SLC9A6: variants seen among roughly 807,000 people sequenced by gnomAD.
SLC9A6 encodes solute carrier family 9 member A6.
SLC9A6 carries 6 observed loss-of-function variants against 45.3 expected under a neutral mutation model. The ratio of observed to expected loss-of-function variants is 0.13; its 90% CI spans 0.07 to 0.26. SLC9A6 has a LOEUF of 0.26. Ranked by LOEUF, SLC9A6 falls within the 10% of genes least tolerant of loss-of-function variation. The probability of loss-of-function intolerance (pLI) is 1.00; values close to 1 mark genes in which losing one functional copy is unlikely to be tolerated. For synonymous variants in SLC9A6, 191 were observed against 187.7 expected, an observed-to-expected ratio of 1.02 and a Z score of -0.14; for missense variants, 278 against 503.7, an observed-to-expected ratio of 0.55 and a Z score of 4.29.
chrX:136,038,517 T>C (rs1556622044), intron 16 of SLC9A6, among the ~76,000 whole-genome samples: 1 of 111,544 alleles, frequency 9.0e-6, no homozygotes. Context: ...ATAGTGTCCT[T>C]GTCAGGTTTC....
intron 2 of SLC9A6, among the ~76,000 whole-genome samples, chrX:135,992,108 C>A (rs1305579356): frequency 9.0e-6 from 1 of 111,518 alleles, no homozygotes; most frequent in Non-Finnish European, 1.9e-5. Context: ...TAGCCTTTTC[C>A]CCTGTAAATC....
At chrX:135,977,238 C>T (rs2089267072) in intron 1 of SLC9A6, among the ~76,000 whole-genome samples, 1 of 112,242 alleles carries the variant, frequency 8.9e-6, no homozygotes, top group Admixed American at 9.5e-5. Flanking sequence ...AGCCATTTTC[C>T]ATATGCACCT....
Position 136,022,669 on chromosome X carries a change from A to G in SLC9A6, c.1278A>G (p.Ser426=). The G allele has an allele frequency of 4.2e-6, 5 of 1,189,452 alleles. No individual in the cohort carries two copies. Among genetic ancestry groups the G allele is most frequent in the Non-Finnish European group, 5.7e-6 (5 of 877,974 alleles). ...LNLGRRSKIG[S]NFQHMMMFAG... ...TGGGTAGAAGAAGTAAGATTGGATC[A>G]AATTTTCAACACATGATGATGTTTG... Residue 426 remains serine, a synonymous_variant, in exon 12 of 18, where the codon TCA becomes TCG. Coordinates refer to ENST00000630721, the MANE Select transcript of SLC9A6 (RefSeq NM_001379110.1).
At chrX:135,991,767 A>G (rs1569524039) in intron 2 of SLC9A6, among the ~76,000 whole-genome samples, 1 of 110,041 alleles carries the variant, frequency 9.1e-6, no homozygotes, top group Admixed American at 9.7e-5. Flanking sequence ...TCAAAAATGA[A>G]TTTTTTCCCT....
chrX:135,996,957 G>A (rs1023221425), intron 3 of SLC9A6, among the ~76,000 whole-genome samples: 5 of 110,274 alleles, frequency 4.5e-5, no homozygotes, highest in African/African-American at 9.9e-5. Context: ...TAATAGAGAC[G>A]GGGTTTCACC....
chrX:135,991,370 G>T (rs1366413688), intron 2 of SLC9A6, among the ~76,000 whole-genome samples: 1 of 108,933 alleles, frequency 9.2e-6, no homozygotes. Context: ...CAACTTTCCT[G>T]CCTCAGCCTC....
At position 136,028,953 on chromosome X, in the gene SLC9A6, A is replaced by T; in HGVS notation, c.1528A>T (p.Ser510Cys). The T allele has an allele frequency of 3.4e-6, 1 of 297,362 alleles. No individual in the cohort carries two copies. The highest frequency in any genetic ancestry group is 5.9e-6 in the Non-Finnish European group (1 of 170,190). 24.5% of individuals were successfully genotyped at this position (297,362 alleles called of 1,213,427 possible). A position where few individuals can be genotyped will look rare whatever the true frequency, so the allele number is the denominator to read the frequency against. Residue 510 changes from serine to cysteine, a missense_variant, in exon 14 of 18, where the codon AGT becomes TGT. Ser to Cys is a moderately radical substitution (Grantham distance 112). Transcript: ENST00000630721. Reference sequence around the variant, plus strand: ...TGGCCTTTACCCTCAAGGAACTCACAGTCTTTTTGGGGAGACTGACAGGTA... The same window carrying T: ...TGGCCTTTACCCTCAAGGAACTCACTGTCTTTTTGGGGAGACTGACAGGTA... ...RHGLYPQGTH[S>C]LFGETDRVGV...
chrX:135,988,081 A>G (rs1264554813), intron 2 of SLC9A6, among the ~76,000 whole-genome samples: 4 of 111,484 alleles, frequency 3.6e-5, no homozygotes, highest in African/African-American at 1.3e-4. Context: ...CCCTGGAAAT[A>G]TTTTCTCTTT....
intron 6 of SLC9A6, 78 bp from the exon 7 acceptor site, chrX:136,002,030 C>T: frequency 1.5e-6 from 1 of 659,431 alleles, no homozygotes; most frequent in Non-Finnish European, 2.5e-6. Context: ...TTCTAAATAA[C>T]TCTCAGAGTC....
chrX:135,996,805 C>T (rs1466788304), intron 3 of SLC9A6, among the ~76,000 whole-genome samples: 2 of 109,898 alleles, frequency 1.8e-5, no homozygotes, highest in Non-Finnish European at 3.8e-5. Context: ...CTCGCTCTGT[C>T]GCCCAGGCTG....
intron 12 of SLC9A6, among the ~76,000 whole-genome samples, chrX:136,024,112 C>G (rs1474609608): frequency 9.0e-6 from 1 of 111,634 alleles, no homozygotes; most frequent in Non-Finnish European, 1.9e-5. Flanking sequence ...GTCTCGAACT[C>G]CTGACCTCAG....
chrX:136,003,248 CA>C (rs1376420531), intron 7 of SLC9A6, among the ~76,000 whole-genome samples: 1 of 111,085 alleles, frequency 9.0e-6, no homozygotes, highest in Non-Finnish European at 1.9e-5. Context: ...CTCGGCCTCC[CA>C]AAGTGCTGAG....
At position 136,030,096 on chromosome X, in the gene SLC9A6, T is replaced by C. The variant is rs781809951; in HGVS notation, c.1551-36T>C. ...TGTGTGAATAGACCATTTTTTGGCT[T>C]CAAAATCTCATTTGCTCTTTGTCTT... On this transcript the variant is annotated intron_variant, in intron 14 of 17. Transcript: ENST00000630721. 6.6e-6 allele frequency: 8 copies of C among 1,204,202 alleles called. No individual in the cohort carries two copies. In the East Asian group the frequency reaches 2.1e-4, roughly 31 times the overall value.
intron 16 of SLC9A6, among the ~76,000 whole-genome samples, chrX:136,036,942 G>A (rs1322073197): frequency 5.3e-5 from 6 of 112,274 alleles, no homozygotes; most frequent in African/African-American, 1.9e-4. Context: ...TGCATATCCA[G>A]TTGATGCAGC....
intron 16 of SLC9A6, among the ~76,000 whole-genome samples, chrX:136,039,180 A>T (rs2071463506): frequency 9.1e-6 from 1 of 109,549 alleles, no homozygotes; most frequent in South Asian, 4.0e-4. Context: ...CCCTAGCAAC[A>T]TAGCGAGACC....
At chrX:135,980,796 A>G (rs1249151906), upstream of SLC9A6, among the ~76,000 whole-genome samples, 5 of 111,982 alleles carry the variant, frequency 4.5e-5, no homozygotes, top group Admixed American at 9.5e-5. Flanking sequence ...GCCTTAAGCA[A>G]TGCTCCTGCC....
rs1312175298 is a variant in SLC9A6 at position 136,012,996 on chromosome X, C to A, written c.933C>A (p.Gly311=). Residue 311 remains glycine (G), a synonymous_variant, in exon 9 of 18, where the codon GGC becomes GGA. Transcript: ENST00000630721. Reference sequence around the variant, plus strand: ...GGGAGTTCCAGTTGTTGGAGACAGGCCTGTTCTTCTTGATGTCCTGGAGTA... The same window carrying A: ...GGGAGTTCCAGTTGTTGGAGACAGGACTGTTCTTCTTGATGTCCTGGAGTA... ...KLREFQLLET[G]LFFLMSWSTF... The A allele has an allele frequency of 2.5e-6, 3 of 1,208,852 alleles. No homozygotes were observed. In the African/African-American group the frequency reaches 5.3e-5, roughly 21 times the overall value.
upstream of SLC9A6, among the ~76,000 whole-genome samples, chrX:135,974,330 C>G (rs1451716014): frequency 2.8e-4 from 1 of 3,519 alleles, no homozygotes; most frequent in South Asian, 0.015. Flanking sequence ...GAGGGCGGGG[C>G]CTACGGGAGG....
chrX:136,005,439 G>A (rs781853561), intron 7 of SLC9A6, among the ~76,000 whole-genome samples: 7 of 112,536 alleles, frequency 6.2e-5, no homozygotes, highest in East Asian at 2.8e-4. Context: ...CCAGCACTTC[G>A]GGAGGCCGAG....
Sources: allele counts gnomAD v4.1 joint callset (sites outside exome capture counted in the v4.1 genomes callset), GRCh38; gene constraint gnomAD v4.1.1; transcripts MANE v1.5; gene names NCBI Gene and HGNC (gene_info 2026-07-23, HGNC 2026-07-21).